Variants in RASEF observed in about 807,000 individuals in gnomAD.
RASEF encodes the protein RAS and EF-hand domain containing.
RASEF carries 68 observed loss-of-function variants against 90.1 expected under a neutral mutation model. The ratio of observed to expected loss-of-function variants is 0.75; its 90% CI spans 0.62 to 0.92. The LOEUF (loss-of-function observed/expected upper bound fraction) is 0.92. Ranked by LOEUF, RASEF falls within the 40% of genes least tolerant of loss-of-function variation. RASEF has a pLI of 0.00. For synonymous variants in RASEF, 331 were observed against 345.2 expected (o/e 0.96, Z 0.46); for missense variants, 949 against 937.2 (o/e 1.01, Z -0.16).
At chr9:83,086,693 CT>C in the RASEF span, among the ~76,000 whole-genome samples, 2 of 152,144 alleles carry the variant, frequency 1.3e-5, no homozygotes, top group African/African-American at 4.8e-5. Context: ...CAGTTCCTCA[CT>C]GGCTGTTGGC....
the RASEF span, among the ~76,000 whole-genome samples, chr9:83,190,023 CG>C: frequency 5.3e-5 from 8 of 152,142 alleles, no homozygotes; most frequent in Non-Finnish European, 1.0e-4. Flanking sequence ...ATGTTCTGCT[CG>C]CCCACTTCGC....
At chr9:83,136,500 C>A in the RASEF span, among the ~76,000 whole-genome samples, 3 of 152,056 alleles carry the variant, frequency 2.0e-5, no homozygotes, top group Non-Finnish European at 2.9e-5. Context: ...GGATTATTAG[C>A]TCTTATTACA....
At chr9:82,985,369 G>A (rs999131970) in intron 16 of RASEF, among the ~76,000 whole-genome samples, 1 of 152,154 alleles carries the variant, frequency 6.6e-6, no homozygotes, top group African/African-American at 2.4e-5. Flanking sequence ...TCACTATCAC[G>A]AGAATAGCAG....
rs751953352 is a variant in RASEF, at chr9:82,990,427, C to A, written c.2081G>T (p.Gly694Val). ...CAGAACAGCCTCCACTATGTTAGAA[C>A]CATCTTTGGCACTTGTTTCACAGAA... The part of the protein sequence containing the change: ...ALFCETSAKD[G>V]SNIVEAVLHL... The change falls in exon 16 of 17, where the codon GGT becomes GTT. Residue 694 changes from glycine to valine, a missense_variant. By Grantham distance (109) the Gly-to-Val change is moderately radical (BLOSUM62 -3). Around this residue, in one of 3 missense-constraint regions of RASEF, gnomAD observed 288 missense variants for 328.4 expected, o/e 0.88. Transcript: ENST00000376447. The A allele has an allele frequency of 2.5e-6, 4 of 1,613,736 alleles. No homozygotes were observed. The highest frequency in any genetic ancestry group is 3.4e-6 in the Non-Finnish European group (4 of 1,179,762).
At chr9:83,129,719 T>C in the RASEF span, among the ~76,000 whole-genome samples, 1 of 152,196 alleles carries the variant, frequency 6.6e-6, no homozygotes, top group Non-Finnish European at 1.5e-5. Flanking sequence ...TGAAAAATTC[T>C]ACCCAGTTCA....
chr9:83,171,151 C>A, the RASEF span, among the ~76,000 whole-genome samples: 1 of 151,650 alleles, frequency 6.6e-6, no homozygotes, highest in African/African-American at 2.4e-5. Flanking sequence ...TATTAAATTT[C>A]ATTGAGTGAT....
chr9:83,093,158 T>C, the RASEF span, among the ~76,000 whole-genome samples: 29 of 152,074 alleles, frequency 1.9e-4, no homozygotes, highest in Non-Finnish European at 3.4e-4. Flanking sequence ...AGAGTGCCGA[T>C]TGGTGTATTT....
the RASEF span, among the ~76,000 whole-genome samples, chr9:83,130,385 T>A: frequency 1.3e-5 from 2 of 152,274 alleles, no homozygotes; most frequent in Non-Finnish European, 2.9e-5. Flanking sequence ...GAACTGCACA[T>A]ATGTTAAAAG....
the RASEF span, among the ~76,000 whole-genome samples, chr9:83,133,834 G>T: frequency 6.6e-6 from 1 of 151,966 alleles, no homozygotes; most frequent in Non-Finnish European, 1.5e-5. Flanking sequence ...GCTCAGAATG[G>T]TGCTCTTACT....
chr9:83,075,177 GT>G, the RASEF span, among the ~76,000 whole-genome samples: 1 of 152,126 alleles, frequency 6.6e-6, no homozygotes, highest in African/African-American at 2.4e-5. Context: ...TGTTCCCCAT[GT>G]TGCCTTACCT....
At chr9:83,216,223 G>C in the RASEF span, among the ~76,000 whole-genome samples, 1 of 151,970 alleles carries the variant, frequency 6.6e-6, no homozygotes, top group South Asian at 2.1e-4. Context: ...GTAACGAGGA[G>C]CTAAATGTTA....
the RASEF span, among the ~76,000 whole-genome samples, chr9:83,128,021 TTTTC>T: frequency 1.8e-5 from 2 of 110,694 alleles, no homozygotes; most frequent in African/African-American, 7.8e-5. Context: ...TTTATTTTTC[TTTTC>T]TTTTTTTTTT....
At chr9:83,117,567 T>C in the RASEF span, among the ~76,000 whole-genome samples, 2 of 152,218 alleles carry the variant, frequency 1.3e-5, no homozygotes, top group African/African-American at 4.8e-5. Context: ...TGCCACCTTA[T>C]CTGAAGATTT....
chr9:83,107,758 G>GT, the RASEF span, among the ~76,000 whole-genome samples: 1 of 152,138 alleles, frequency 6.6e-6, no homozygotes. Context: ...ACTCCATGTA[G>GT]TGGGAGGGTG....
intron 1 of RASEF, chr9:83,048,449 C>T: frequency 1.0e-6 from 1 of 985,200 alleles, no homozygotes; most frequent in Non-Finnish European, 1.2e-6. Context: ...TAGAGGGAAA[C>T]CAGCCAAGCA....
chr9:83,032,312 G>C (rs1457277024), intron 1 of RASEF, among the ~76,000 whole-genome samples: 2 of 152,192 alleles, frequency 1.3e-5, no homozygotes, highest in Non-Finnish European at 2.9e-5. Context: ...GTGACAAGTA[G>C]TGACAAGGCT....
At chr9:83,189,917 TACA>T in the RASEF span, among the ~76,000 whole-genome samples, 2 of 152,292 alleles carry the variant, frequency 1.3e-5, no homozygotes, top group East Asian at 3.9e-4. Context: ...CCAATTCCAA[TACA>T]ACGTTTAAAA....
the RASEF span, among the ~76,000 whole-genome samples, chr9:83,149,362 C>G: frequency 6.6e-6 from 1 of 152,098 alleles, no homozygotes; most frequent in East Asian, 1.9e-4. Context: ...GTGGGGAGAT[C>G]ATAGGGAGGC....
the RASEF span, among the ~76,000 whole-genome samples, chr9:83,145,190 C>G: frequency 1.3e-5 from 2 of 151,984 alleles, no homozygotes; most frequent in Admixed American, 1.3e-4. Context: ...AAAATACAGA[C>G]AGGACAGAAC....
Sources: allele counts gnomAD v4.1 joint callset (sites outside exome capture counted in the v4.1 genomes callset), GRCh38; gene constraint gnomAD v4.1.1; regional missense constraint gnomAD v4.1.1; transcripts MANE v1.5; gene names NCBI Gene and HGNC (gene_info 2026-07-23, HGNC 2026-07-21).